Variants in RBX1 observed in about 807,000 individuals in gnomAD.
The protein encoded by RBX1 is E3 ubiquitin-protein ligase RBX1.
For missense variants in RBX1, 46 were observed against 141.4 expected, an observed-to-expected ratio of 0.33 and a Z score of 3.42; for synonymous variants, 48 against 47.9, an observed-to-expected ratio of 1.00 and a Z score of -0.01.
chr22:40,967,902 T>G lies in RBX1; in HGVS notation c.314+18T>G. The stretch of plus-strand genomic sequence containing the variant: ...TTCCAAAAGTAGGTATCTTTGGTTG[T>G]TTTGACGGGGCTTTTTGACTTGCCT... On this transcript the variant is annotated intron_variant, in intron 4 of 4. Transcript: ENST00000216225. The G allele has an allele frequency of 6.4e-7, 1 of 1,572,040 alleles. No homozygotes were observed. Among genetic ancestry groups the G allele is most frequent in the South Asian group, 1.1e-5 (1 of 90,172 alleles).
Position 40,961,877 on chromosome 22 carries a change from TGG to T in RBX1, c.158-2168_158-2167del, listed in dbSNP as rs1295667224. 4.0e-5 allele frequency among the ~76,000 whole-genome samples: 6 copies of T among 148,926 alleles called. No homozygotes were observed. In the East Asian group the frequency reaches 1.2e-3, roughly 31 times the overall value. On this transcript the variant is annotated intron_variant, in intron 2 of 4. Transcript: ENST00000216225. ...TCGGCTCACTGCAGCCTCTGCCTCC[TGG>T]GTTCAAGTGATTCTCCTGCCTCAGC... is the stretch of plus-strand genomic sequence containing the variant.
rs2058372252 is a variant in RBX1, at chr22:40,972,664, A to G, written c.*176A>G. The G allele has an allele frequency of 1.7e-6, 1 of 582,086 alleles. No individual in the cohort carries two copies. The highest frequency in any genetic ancestry group is 3.1e-6 in the Non-Finnish European group (1 of 322,234). 36.1% of individuals were successfully genotyped at this position (582,086 alleles called of 1,614,324 possible). A position where few individuals can be genotyped will look rare whatever the true frequency, so the allele number is the denominator to read the frequency against. On this transcript the variant is annotated 3_prime_UTR_variant, in exon 5 of 5. Coordinates refer to ENST00000216225, the MANE Select transcript of RBX1 (RefSeq NM_014248.4). ...AAATAAAGTCCAGTTGGATTCTGGA[A>G]CGGATGCTCTCTCTTGTGTATGTGA...
At chr22:40,967,243 A>G (rs952421994) in intron 3 of RBX1, 1 of 152,268 alleles carries the variant, frequency 6.6e-6, no homozygotes, top group Non-Finnish European at 1.5e-5. Context: ...ATCTAGAAAT[A>G]AAGTTTCTTT....
intron 1 of RBX1, among the ~76,000 whole-genome samples, chr22:40,952,758 G>A (rs1161907991): frequency 6.6e-6 from 1 of 152,108 alleles, no homozygotes; most frequent in Non-Finnish European, 1.5e-5. Context: ...AGTAATCTAA[G>A]ATTTAAGTGA....
intron 1 of RBX1, among the ~76,000 whole-genome samples, chr22:40,951,737 TGGC>T (rs1443641746): frequency 4.0e-5 from 5 of 124,842 alleles, no homozygotes; most frequent in Admixed American, 3.1e-4. Context: ...GGTTGCGACT[TGGC>T]GGCGGGAGCC....
chr22:40,952,203 G>A (rs1324786711), intron 1 of RBX1, among the ~76,000 whole-genome samples: 1 of 152,208 alleles, frequency 6.6e-6, no homozygotes, highest in Non-Finnish European at 1.5e-5. Context: ...CAGTTAGGGA[G>A]GGTTGAGTAC....
At position 40,951,385 on chromosome 22, in the gene RBX1, C is replaced by G. The variant is rs768459265; in HGVS notation, c.-14C>G. 6.2e-7 allele frequency: 1 copy of G among 1,612,044 alleles called. No homozygotes were observed. Among genetic ancestry groups the G allele is most frequent in the Non-Finnish European group, 8.5e-7 (1 of 1,178,852 alleles). ...CAGGCGCGGTGGTCGGACGACAGACCGTGTGTTTCCAAAATGGCGGCAGCG... is the reference window on the plus strand; with the variant it reads ...CAGGCGCGGTGGTCGGACGACAGACGGTGTGTTTCCAAAATGGCGGCAGCG... On this transcript the variant is annotated 5_prime_UTR_variant, in exon 1 of 5. Transcript: ENST00000216225.
chr22:40,970,967 A>G (rs1292411922), intron 4 of RBX1, among the ~76,000 whole-genome samples: 3 of 152,174 alleles, frequency 2.0e-5, no homozygotes, highest in Non-Finnish European at 4.4e-5. Flanking sequence ...ATATAAAAAC[A>G]TTTGAGACGG....
intron 4 of RBX1, among the ~76,000 whole-genome samples, chr22:40,970,997 T>A: frequency 6.6e-6 from 1 of 152,202 alleles, no homozygotes; most frequent in Non-Finnish European, 1.5e-5. Context: ...CCCTTGGAGC[T>A]TGCATTCTAC....
At chr22:40,962,726 A>C (rs913698359) in intron 2 of RBX1, among the ~76,000 whole-genome samples, 1 of 136,356 alleles carries the variant, frequency 7.3e-6, no homozygotes, top group Admixed American at 7.3e-5. Context: ...GGAGTCTTGC[A>C]CTGTCGCCCA....
chr22:40,967,672 C>A, intron 3 of RBX1, 127 bp from the exon 4 acceptor site: 1 of 642,940 alleles, frequency 1.6e-6, no homozygotes, highest in Non-Finnish European at 2.7e-6. Flanking sequence ...ACTTTTGCCT[C>A]TCGTTGTCTT....
intron 2 of RBX1, among the ~76,000 whole-genome samples, chr22:40,961,081 C>CTTTTTTTTTT (rs61092253): frequency 2.6e-4 from 28 of 107,668 alleles, no homozygotes; most frequent in African/African-American, 9.6e-4. Context: ...CGTGCCTGGC[C>CTTTTTTTTTT]TTTTTTTTTT....
intron 2 of RBX1, among the ~76,000 whole-genome samples, chr22:40,955,082 C>T (rs1469396753): frequency 2.6e-5 from 4 of 152,208 alleles, no homozygotes; most frequent in African/African-American, 4.8e-5. Context: ...CCACCATGCC[C>T]GGCCTGCTTT....
intron 2 of RBX1, among the ~76,000 whole-genome samples, chr22:40,959,910 A>G (rs778910957): frequency 6.6e-6 from 1 of 152,156 alleles, no homozygotes; most frequent in Non-Finnish European, 1.5e-5. Flanking sequence ...TGAGGTCAGG[A>G]GTTAAAGACC....
intron 2 of RBX1, among the ~76,000 whole-genome samples, chr22:40,957,098 A>C (rs998167330): frequency 6.6e-6 from 1 of 152,096 alleles, no homozygotes; most frequent in Non-Finnish European, 1.5e-5. Context: ...CTGTAATCCC[A>C]GCACTTTGGG....
At chr22:40,955,379 G>A (rs906747305) in intron 2 of RBX1, among the ~76,000 whole-genome samples, 14 of 150,958 alleles carry the variant, frequency 9.3e-5, no homozygotes, top group Non-Finnish European at 7.4e-5. Flanking sequence ...GATTATAGGC[G>A]TGAGCCACTG....
intron 3 of RBX1, among the ~76,000 whole-genome samples, chr22:40,964,828 C>T (rs2058349746): frequency 6.6e-6 from 1 of 152,198 alleles, no homozygotes; most frequent in Admixed American, 6.5e-5. Context: ...CCACCATTCC[C>T]TGTCTTTGTG....
chr22:40,972,945 C>T lies in RBX1; in HGVS notation c.*457C>T, dbSNP rs991905249. The T allele has an allele frequency of 1.2e-5, 2 of 163,126 alleles. No individual in the cohort carries two copies. Among genetic ancestry groups the T allele is most frequent in the African/African-American group, 2.4e-5 (1 of 41,720 alleles). The allele number at this position is 163,126 out of a possible 1,614,324, so 10.1% of individuals were successfully genotyped here. A position where few individuals can be genotyped will look rare whatever the true frequency, so the allele number is the denominator to read the frequency against. ...TGGGATTCAGTCATCAAACCCAGTT[C>T]TGAGTCCTGGTTCCACAGCTTGGGT... On this transcript the variant is annotated 3_prime_UTR_variant, in exon 5 of 5. Transcript: ENST00000216225.
chr22:40,961,723 A>G (rs1168341451), intron 2 of RBX1, among the ~76,000 whole-genome samples: 2 of 151,746 alleles, frequency 1.3e-5, no homozygotes, highest in African/African-American at 4.8e-5. Flanking sequence ...TATTTTTATC[A>G]GTTGGCAAAC....
Sources: gnomAD v4.1 joint callset for allele counts (sites outside exome capture counted in the v4.1 genomes callset) on GRCh38, gnomAD v4.1.1 for gene constraint, MANE v1.5 for transcripts, NCBI Gene and HGNC (gene_info 2026-07-23, HGNC 2026-07-21) for gene names.